Variants in NRXN3 observed in about 807,000 individuals in gnomAD.
The protein encoded by NRXN3 is neurexin III.
NRXN3 carries 32 observed loss-of-function variants against 137.6 expected under a neutral mutation model. That is an observed-to-expected ratio of 0.23 (90% CI 0.18 to 0.31). The LOEUF (loss-of-function observed/expected upper bound fraction) is 0.31, where lower values mean the gene tolerates loss of function less well. Among genes scored for constraint, NRXN3 ranks in the 10% least tolerant of loss-of-function variants. The pLI, the probability that NRXN3 is intolerant of heterozygous loss-of-function variation, is 1.00. For missense variants in NRXN3, 1,574 were observed against 2,062.5 expected (o/e 0.76, Z 4.59); for synonymous variants, 798 against 784.5 (o/e 1.02, Z -0.29).
chr14:78,638,130 A>C (rs1301886035), intron 4 of NRXN3, among the ~76,000 whole-genome samples: 6 of 152,064 alleles, frequency 3.9e-5, no homozygotes, highest in Non-Finnish European at 8.8e-5. Flanking sequence ...CCTTCTCATC[A>C]CTTTCAAGAA....
At chr14:78,315,501 G>A (rs897628409) in intron 4 of NRXN3, among the ~76,000 whole-genome samples, 5 of 152,210 alleles carry the variant, frequency 3.3e-5, no homozygotes, top group Non-Finnish European at 4.4e-5. Flanking sequence ...AAAATGAACC[G>A]AAAGGAAGTG....
At chr14:79,713,824 A>G (rs2098814537) in intron 19 of NRXN3, among the ~76,000 whole-genome samples, 1 of 151,408 alleles carries the variant, frequency 6.6e-6, no homozygotes, top group Non-Finnish European at 1.5e-5. Flanking sequence ...AACCCTTTGA[A>G]TTTTTTACAT....
At chr14:78,704,263 T>C (rs1330018896) in intron 6 of NRXN3, among the ~76,000 whole-genome samples, 1 of 152,198 alleles carries the variant, frequency 6.6e-6, no homozygotes, top group Non-Finnish European at 1.5e-5. Flanking sequence ...GCAGACAGCT[T>C]CCTCATTGGT....
chr14:79,750,191 A>G (rs1420206371), intron 19 of NRXN3, among the ~76,000 whole-genome samples: 1 of 152,096 alleles, frequency 6.6e-6, no homozygotes, highest in Non-Finnish European at 1.5e-5. Flanking sequence ...TTGGTTGGAG[A>G]GTAAGAATAG....
At chr14:78,867,607 C>A (rs1053330775) in intron 10 of NRXN3, among the ~76,000 whole-genome samples, 1 of 152,116 alleles carries the variant, frequency 6.6e-6, no homozygotes, top group Non-Finnish European at 1.5e-5. Flanking sequence ...TGAATTTTCC[C>A]AGAAAATAGG....
intron 4 of NRXN3, among the ~76,000 whole-genome samples, chr14:78,392,275 C>G (rs903387182): frequency 6.6e-6 from 1 of 152,138 alleles, no homozygotes; most frequent in Non-Finnish European, 1.5e-5. Flanking sequence ...AATATCTGTG[C>G]TCAATGAAAT....
At chr14:78,712,515 T>C (rs956548994) in intron 7 of NRXN3, among the ~76,000 whole-genome samples, 1 of 152,228 alleles carries the variant, frequency 6.6e-6, no homozygotes, top group African/African-American at 2.4e-5. Context: ...ATGCTTCTAC[T>C]CTTGTGTTGA....
At position 78,988,090 on chromosome 14, in the gene NRXN3, T is replaced by G; in HGVS notation, c.3211T>G (p.Phe1071Val). ...QGVCMQQWEG[F>V]TCDCSMTSYS... Reference sequence around the variant, plus strand: ...GGTCTGCATGCAACAATGGGAGGGCTTCACCTGTGATTGTTCTATGACCTC... The same window carrying G: ...GGTCTGCATGCAACAATGGGAGGGCGTCACCTGTGATTGTTCTATGACCTC... Residue 1071 changes from phenylalanine to valine, a missense_variant, in exon 15 of 21, where the codon TTC (phenylalanine) becomes GTC (valine). By Grantham distance (50) the Phe-to-Val change is conservative. Coordinates refer to ENST00000335750, the MANE Select transcript of NRXN3 (RefSeq NM_001330195.2). 1.2e-6 allele frequency: 2 copies of G among 1,613,952 alleles called. No homozygotes were observed. The highest frequency in any genetic ancestry group is 1.7e-6 in the Non-Finnish European group (2 of 1,179,872).
At chr14:78,694,005 C>T (rs1289030210) in intron 6 of NRXN3, among the ~76,000 whole-genome samples, 1 of 151,900 alleles carries the variant, frequency 6.6e-6, no homozygotes, top group African/African-American at 2.4e-5. Flanking sequence ...ATTTCTTTTA[C>T]CTTCCTATTT....
chr14:78,603,257 C>T (rs1021517970), intron 4 of NRXN3, among the ~76,000 whole-genome samples: 2 of 152,140 alleles, frequency 1.3e-5, no homozygotes, highest in Non-Finnish European at 2.9e-5. Context: ...AAAAGGCCTG[C>T]CTGCCTACTT....
intron 16 of NRXN3, among the ~76,000 whole-genome samples, chr14:79,611,203 A>G (rs2098094614): frequency 6.6e-6 from 1 of 152,240 alleles, no homozygotes; most frequent in Non-Finnish European, 1.5e-5. Flanking sequence ...TGCTAAAGAG[A>G]TAGAAGTAAA....
intron 15 of NRXN3, among the ~76,000 whole-genome samples, chr14:79,322,780 A>T (rs1254779366): frequency 1.3e-5 from 2 of 152,258 alleles, no homozygotes; most frequent in Non-Finnish European, 2.9e-5. Flanking sequence ...ACATCAGCTA[A>T]TGAGAGAAAT....
At chr14:78,501,382 C>T (rs76633972) in intron 4 of NRXN3, among the ~76,000 whole-genome samples, 6 of 152,154 alleles carry the variant, frequency 3.9e-5, no homozygotes, top group African/African-American at 1.2e-4. Flanking sequence ...ATTGCCTCAC[C>T]GTGTGGACCT....
intron 15 of NRXN3, among the ~76,000 whole-genome samples, chr14:79,353,257 G>T (rs1480228129): frequency 6.6e-6 from 1 of 151,870 alleles, no homozygotes; most frequent in Non-Finnish European, 1.5e-5. Flanking sequence ...GATATAGGCT[G>T]TTCTTAAAAT....
intron 15 of NRXN3, among the ~76,000 whole-genome samples, chr14:79,401,310 T>C (rs959143142): frequency 2.0e-5 from 3 of 152,168 alleles, no homozygotes; most frequent in Non-Finnish European, 4.4e-5. Flanking sequence ...AGCAGTTCTG[T>C]TTGTCACCCT....
At chr14:79,218,859 C>T (rs945155564) in intron 15 of NRXN3, among the ~76,000 whole-genome samples, 1 of 151,962 alleles carries the variant, frequency 6.6e-6, no homozygotes, top group African/African-American at 2.4e-5. Flanking sequence ...TTATAAATCT[C>T]ATGATCAGCA....
At chr14:79,656,927 TGAC>T (rs2098509181) in intron 16 of NRXN3, among the ~76,000 whole-genome samples, 1 of 152,138 alleles carries the variant, frequency 6.6e-6, no homozygotes, top group Admixed American at 6.5e-5. Flanking sequence ...CCAGAGTCGA[TGAC>T]CTTGACTGGG....
intron 2 of NRXN3, among the ~76,000 whole-genome samples, chr14:78,270,864 G>A (rs1373321208): frequency 5.3e-5 from 8 of 152,150 alleles, no homozygotes; most frequent in Non-Finnish European, 1.2e-4. Context: ...TAATAATTTC[G>A]CTTTTGATTA....
chr14:79,100,223 G>A (rs1321082056), intron 15 of NRXN3, among the ~76,000 whole-genome samples: 1 of 152,202 alleles, frequency 6.6e-6, no homozygotes, highest in Non-Finnish European at 1.5e-5. Flanking sequence ...CGACTGCAGT[G>A]ACAGTCTGTA....
Sources: gnomAD v4.1 joint callset for allele counts (sites outside exome capture counted in the v4.1 genomes callset) on GRCh38, gnomAD v4.1.1 for gene constraint, MANE v1.5 for transcripts, NCBI Gene and HGNC (gene_info 2026-07-23, HGNC 2026-07-21) for gene names.